Variants in PPTC7 observed in about 807,000 individuals in gnomAD.
PPTC7 encodes protein phosphatase targeting COQ7.
A neutral mutation model predicts 30.8 loss-of-function variants in PPTC7; 6 were observed. The ratio of observed to expected loss-of-function variants is 0.19; its 90% CI spans 0.11 to 0.38. PPTC7 has a LOEUF of 0.38. Ranked by LOEUF, PPTC7 falls within the 10% of genes least tolerant of loss-of-function variation. The pLI, the probability that PPTC7 is intolerant of heterozygous loss-of-function variation, is 1.00. For missense variants in PPTC7, 218 were observed against 404.8 expected (o/e 0.54, Z 3.96); for synonymous variants, 163 against 168.1 (o/e 0.97, Z 0.23).
rs554039114 is a variant in PPTC7, at chr12:110,542,170, G to T, written c.603-2225C>A. ...ATCTCAAGAAAAAAAAAAAATAGAA[G>T]AAATATCTGTTGCATAACTGAATGA... On this transcript the variant is annotated intron_variant, in intron 3 of 5. Coordinates refer to ENST00000354300, the MANE Select transcript of PPTC7 (RefSeq NM_139283.2). 5.3e-5 allele frequency among the ~76,000 whole-genome samples: 8 copies of T among 151,440 alleles called. No individual in the cohort carries two copies. In the East Asian group the frequency reaches 1.6e-3, roughly 30 times the overall value.
intron 1 of PPTC7, among the ~76,000 whole-genome samples, chr12:110,568,375 C>A (rs1429972786): frequency 1.3e-5 from 2 of 152,026 alleles, no homozygotes; most frequent in South Asian, 4.2e-4. Context: ...GCCTCAGCCT[C>A]CTGAGTAGCT....
intron 2 of PPTC7, among the ~76,000 whole-genome samples, chr12:110,547,001 G>A (rs997515901): frequency 3.3e-5 from 5 of 152,094 alleles, no homozygotes; most frequent in Admixed American, 6.6e-5. Context: ...TTCATTCTGC[G>A]GGAGTGAAAA....
At chr12:110,568,563 T>G (rs981544909) in intron 1 of PPTC7, among the ~76,000 whole-genome samples, 7 of 152,200 alleles carry the variant, frequency 4.6e-5, no homozygotes, top group Non-Finnish European at 7.3e-5. Context: ...TCATGCATAT[T>G]CTTTCACACC....
intron 1 of PPTC7, among the ~76,000 whole-genome samples, chr12:110,569,270 T>C (rs2064512929): frequency 6.7e-6 from 1 of 150,068 alleles, no homozygotes; most frequent in Admixed American, 6.6e-5. Context: ...GAGGCGGAGG[T>C]TGAAGTGAGC....
At chr12:110,557,660 ATGT>A in intron 1 of PPTC7, among the ~76,000 whole-genome samples, 1 of 152,322 alleles carries the variant, frequency 6.6e-6, no homozygotes, top group East Asian at 1.9e-4. Flanking sequence ...ACTATAATAA[ATGT>A]TGTGTGAATG....
Position 110,536,851 on chromosome 12 carries a change from G to C in PPTC7, c.*186C>G, listed in dbSNP as rs1019260185. Reference sequence around the variant, plus strand: ...CTCTTCAATTGCTGCCGGCAGATATGAGCTAGTGAATGATAGTAGTGGTTC... The same window carrying C: ...CTCTTCAATTGCTGCCGGCAGATATCAGCTAGTGAATGATAGTAGTGGTTC... On this transcript the variant is annotated 3_prime_UTR_variant, in exon 6 of 6. Coordinates refer to ENST00000354300, the MANE Select transcript of PPTC7 (RefSeq NM_139283.2). The C allele has an allele frequency of 1.8e-6, 1 of 553,796 alleles. No individual in the cohort carries two copies. The highest frequency in any genetic ancestry group is 1.9e-5 in the African/African-American group (1 of 52,508). The allele number at this position is 553,796 out of a possible 1,614,324, so 34.3% of individuals were successfully genotyped here.
intron 1 of PPTC7, among the ~76,000 whole-genome samples, chr12:110,557,061 G>T (rs566602657): frequency 2.6e-5 from 4 of 152,118 alleles, no homozygotes; most frequent in African/African-American, 7.2e-5. Flanking sequence ...GGGCAGTAGC[G>T]AAAGTTGTAG....
At chr12:110,561,936 G>C (rs2064441055) in intron 1 of PPTC7, among the ~76,000 whole-genome samples, 1 of 151,728 alleles carries the variant, frequency 6.6e-6, no homozygotes, top group South Asian at 2.1e-4. Flanking sequence ...AGCAAGACCT[G>C]CCTCAAAAAA....
chr12:110,565,475 T>C (rs1257678284), intron 1 of PPTC7, among the ~76,000 whole-genome samples: 1 of 151,864 alleles, frequency 6.6e-6, no homozygotes, highest in East Asian at 1.9e-4. Flanking sequence ...AGGCTGGTCT[T>C]GAACTCCTGA....
intron 1 of PPTC7, among the ~76,000 whole-genome samples, chr12:110,566,522 G>T (rs2064484462): frequency 6.6e-6 from 1 of 152,206 alleles, no homozygotes. Context: ...CACAGGGCCG[G>T]TGTGAGGAAC....
chr12:110,568,960 C>A (rs969514137), intron 1 of PPTC7, among the ~76,000 whole-genome samples: 1 of 152,132 alleles, frequency 6.6e-6, no homozygotes, highest in Admixed American at 6.5e-5. Flanking sequence ...GGCTGCAGTG[C>A]ACTACAACTA....
intron 4 of PPTC7, among the ~76,000 whole-genome samples, chr12:110,539,165 AG>A (rs1489220596): frequency 6.6e-6 from 1 of 152,162 alleles, no homozygotes; most frequent in Non-Finnish European, 1.5e-5. Flanking sequence ...CCTATAAAAG[AG>A]GATCTTTAGG....
At chr12:110,559,733 A>G (rs1378336003) in intron 1 of PPTC7, among the ~76,000 whole-genome samples, 7 of 149,656 alleles carry the variant, frequency 4.7e-5, no homozygotes, top group Non-Finnish European at 1.5e-5. Flanking sequence ...CTCAGGGGAA[A>G]AAAAAAAAAA....
chr12:110,568,922 G>A (rs1412898091), intron 1 of PPTC7, among the ~76,000 whole-genome samples: 1 of 152,192 alleles, frequency 6.6e-6, no homozygotes, highest in Non-Finnish European at 1.5e-5. Context: ...GGCTGAGGCA[G>A]AAGGATGGCT....
intron 2 of PPTC7, among the ~76,000 whole-genome samples, chr12:110,549,869 G>A (rs1452432670): frequency 6.6e-6 from 1 of 152,140 alleles, no homozygotes; most frequent in Non-Finnish European, 1.5e-5. Context: ...TGGAATCTGT[G>A]TCTAGGGGCT....
intron 4 of PPTC7, among the ~76,000 whole-genome samples, chr12:110,539,051 A>C (rs2064238122): frequency 6.6e-6 from 1 of 152,206 alleles, no homozygotes; most frequent in African/African-American, 2.4e-5. Flanking sequence ...CACACAGAGC[A>C]CGGTGCCTGT....
At chr12:110,567,250 T>C (rs1455602154) in intron 1 of PPTC7, among the ~76,000 whole-genome samples, 1 of 152,180 alleles carries the variant, frequency 6.6e-6, no homozygotes, top group Non-Finnish European at 1.5e-5. Flanking sequence ...AGATTACCTA[T>C]GGAACCCCAG....
chr12:110,557,007 T>C (rs1401008295), intron 1 of PPTC7, among the ~76,000 whole-genome samples: 2 of 151,966 alleles, frequency 1.3e-5, no homozygotes, highest in Non-Finnish European at 2.9e-5. Flanking sequence ...GGCAGACAAC[T>C]AGATGCTGGG....
In PPTC7 at chr12:110,563,122, CAAAAAAAAAAA is replaced by C. The variant is rs766517371; in HGVS notation, c.224-11165_224-11155del. Among the ~76,000 whole-genome samples the C allele has an allele frequency of 3.2e-3, 137 of 43,098 alleles. 1 individual carries two copies. The highest frequency in any genetic ancestry group is 3.2e-3 in the Non-Finnish European group (75 of 23,416). The allele number at this position is 43,098 out of a possible 152,430, so 28.3% of individuals were successfully genotyped here. A position where few individuals can be genotyped will look rare whatever the true frequency, so the allele number is the denominator to read the frequency against. On this transcript the variant is annotated intron_variant, in intron 1 of 5. Coordinates refer to ENST00000354300, the MANE Select transcript of PPTC7 (RefSeq NM_139283.2). The stretch of plus-strand genomic sequence containing the variant: ...CGACAGGGTGAGTGAGACTCCATCT[CAAAAAAAAAAA>C]AAAAAAAAAAAAAAAGAAGAAGAAG...
Sources: allele counts gnomAD v4.1 joint callset (sites outside exome capture counted in the v4.1 genomes callset), GRCh38; gene constraint gnomAD v4.1.1; transcripts MANE v1.5; gene names NCBI Gene and HGNC (gene_info 2026-07-23, HGNC 2026-07-21).